ZNF180: variants seen among roughly 807,000 people sequenced by gnomAD.
The protein encoded by ZNF180 is zinc finger protein 180, also known as zinc finger protein 180 (HHZ168).
Under a neutral mutation model 11.8 loss-of-function variants are expected in ZNF180, and 11 were observed. The observed-to-expected ratio is 0.93, with a 90% CI of 0.59 to 1.55. The LOEUF (loss-of-function observed/expected upper bound fraction) is 1.55. ZNF180 is among the 40% of genes most tolerant of loss of function. The pLI is 0.00. For missense variants in ZNF180, 773 were observed against 781.7 expected (o/e 0.99, Z 0.13); for synonymous variants, 287 against 257.7 (o/e 1.11, Z -1.09).
intron 1 of ZNF180, chr19:44,500,065 C>A: frequency 7.3e-7 from 1 of 1,366,894 alleles, no homozygotes. Context: ...AGAGCACCAC[C>A]TGACCAAGCA....
At chr19:44,488,127 CT>C (rs1970285008) in intron 2 of ZNF180, among the ~76,000 whole-genome samples, 7 of 47,638 alleles carry the variant, frequency 1.5e-4, no homozygotes, top group Admixed American at 2.8e-4. Context: ...TCTCCCTCTC[CT>C]TCTCTTTCCA....
At chr19:44,499,002 A>G (rs1342604569) in intron 1 of ZNF180, among the ~76,000 whole-genome samples, 2 of 152,068 alleles carry the variant, frequency 1.3e-5, no homozygotes, top group African/African-American at 4.8e-5. Flanking sequence ...TGAGTCAACA[A>G]TCTACATCCC....
At chr19:44,481,836 C>A (rs1438174414) in intron 3 of ZNF180, among the ~76,000 whole-genome samples, 1 of 152,226 alleles carries the variant, frequency 6.6e-6, no homozygotes. Context: ...CATCCCCCCT[C>A]ACCTGAATCT....
At chr19:44,490,298 T>C (rs1322106767) in intron 2 of ZNF180, among the ~76,000 whole-genome samples, 2 of 152,194 alleles carry the variant, frequency 1.3e-5, no homozygotes, top group Non-Finnish European at 2.9e-5. Context: ...ATTACAGGCG[T>C]GAGTCACCAC....
chr19:44,484,170 G>T (rs1157464544), intron 3 of ZNF180, among the ~76,000 whole-genome samples, 191 bp downstream of exon 3: 1 of 151,784 alleles, frequency 6.6e-6, no homozygotes, highest in African/African-American at 2.4e-5. Flanking sequence ...AACTTTTTTT[G>T]TATTTTTTTA....
At chr19:44,490,516 G>A (rs1163451490) in intron 2 of ZNF180, among the ~76,000 whole-genome samples, 2 of 152,142 alleles carry the variant, frequency 1.3e-5, no homozygotes, top group South Asian at 2.1e-4. Context: ...ATATACACCC[G>A]TGACAAATAC....
In ZNF180 at chr19:44,476,516, A is replaced by G. The variant is rs1969876829; in HGVS notation, c.1884T>C (p.His628=). 1.2e-6 allele frequency: 2 copies of G among 1,614,088 alleles called. No individual in the cohort carries two copies. The highest frequency in any genetic ancestry group is 8.5e-7 in the Non-Finnish European group (1 of 1,179,996). ...SARLIVHQRT[H]TGEKPFTCIQ... Reference sequence around the variant, plus strand: ...TACATGTAAAGGGTTTCTCTCCAGTATGAGTTCTTTGATGCACAATAAGTC... The same window carrying G: ...TACATGTAAAGGGTTTCTCTCCAGTGTGAGTTCTTTGATGCACAATAAGTC... The change falls in exon 5 of 5, where the codon CAT becomes CAC. Residue 628 remains histidine (H), a synonymous_variant. Coordinates refer to ENST00000592529, the MANE Select transcript of ZNF180 (RefSeq NM_001278509.3).
At chr19:44,489,643 T>C (rs1470108577) in intron 2 of ZNF180, among the ~76,000 whole-genome samples, 3 of 126,050 alleles carry the variant, frequency 2.4e-5, no homozygotes, top group African/African-American at 8.4e-5. Context: ...CCAGAGACCT[T>C]TGTTCACTTG....
intron 3 of ZNF180, among the ~76,000 whole-genome samples, chr19:44,479,677 A>C (rs1429526265): frequency 6.6e-6 from 1 of 152,186 alleles, no homozygotes; most frequent in African/African-American, 2.4e-5. Flanking sequence ...CTGCCTTAAA[A>C]AGGATGCTTA....
chr19:44,478,047 T>C lies in ZNF180; in HGVS notation c.353A>G (p.Asp118Gly), dbSNP rs1445261307. ...NGVKIERFTR[D>G]DPWLSSCEEV... The stretch of plus-strand genomic sequence containing the variant: ...TTCACATGAAGATAACCAAGGATCA[T>C]CCCTTGTAAACCTTTCTATCTTCAC... Residue 118 changes from aspartate to glycine, a missense_variant, in exon 5 of 5, where the codon GAT (aspartate) becomes GGT (glycine). Asp to Gly is a moderately conservative substitution (Grantham distance 94). Transcript: ENST00000592529. 110 of 1,613,922 alleles carry C rather than the reference T, an allele frequency of 6.8e-5. No individual in the cohort carries two copies. Among genetic ancestry groups the C allele is most frequent in the Non-Finnish European group, 9.1e-5 (107 of 1,179,956 alleles).
At chr19:44,487,939 A>G (rs899841635) in intron 2 of ZNF180, among the ~76,000 whole-genome samples, 4 of 152,036 alleles carry the variant, frequency 2.6e-5, no homozygotes, top group African/African-American at 9.7e-5. Flanking sequence ...GTTGGCCAGG[A>G]TGGTCTTGAC....
rs1019591700 is a variant in ZNF180 at position 44,476,992 on chromosome 19, G to A, written c.1408C>T (p.Gln470Ter). ...HTGEKPYECN[Q>*]CGKSFSQSYK... ...CTTTGACTAAAGGATTTCCCACACT[G>A]ATTGCATTCATAGGGTTTTTCCCCA... Residue 470 changes from glutamine to a stop codon, truncating the protein, a stop_gained, in exon 5 of 5, where the codon CAG (glutamine) becomes TAG (stop). Transcript: ENST00000592529. LOFTEE classifies it low-confidence loss of function (END_TRUNC). 3 of 1,614,142 alleles carry A rather than the reference G, an allele frequency of 1.9e-6. No homozygotes were observed. In the South Asian group the frequency reaches 3.3e-5, roughly 18 times the overall value.
chr19:44,489,207 T>C, intron 2 of ZNF180, among the ~76,000 whole-genome samples: 1 of 49,132 alleles, frequency 2.0e-5, no homozygotes, highest in Non-Finnish European at 5.2e-5. Context: ...GAGGGGCGCC[T>C]CTGCCCGGCC....
intron 3 of ZNF180, among the ~76,000 whole-genome samples, chr19:44,483,033 A>G (rs1389211753): frequency 6.6e-6 from 1 of 152,150 alleles, no homozygotes; most frequent in Non-Finnish European, 1.5e-5. Context: ...GTCATAAAAC[A>G]CTCCACCTTT....
In ZNF180 at chr19:44,477,895, C is replaced by A; in HGVS notation, c.505G>T (p.Gly169Trp). Reference sequence around the variant, plus strand: ...CTGGAATTCAGACCACTCTTCTCCCCAGTTTCATCACTTTTGCAGACTCTC... The same window carrying A: ...CTGGAATTCAGACCACTCTTCTCCCAAGTTTCATCACTTTTGCAGACTCTC... ...HERVCKSDET[G>W]EKSGLNSSLF... is the part of the protein sequence containing the mutation. The change falls in exon 5 of 5, where the codon GGG (glycine) becomes TGG (tryptophan). Residue 169 changes from glycine to tryptophan, a missense_variant. Gly to Trp is a radical substitution (Grantham distance 184). Transcript: ENST00000592529. The A allele has an allele frequency of 4.3e-6, 7 of 1,613,930 alleles. No individual in the cohort carries two copies. Among genetic ancestry groups the A allele is most frequent in the African/African-American group, 2.7e-5 (2 of 75,050 alleles).
chr19:44,493,372 T>C (rs1235046977), intron 2 of ZNF180, among the ~76,000 whole-genome samples: 2 of 152,230 alleles, frequency 1.3e-5, no homozygotes, highest in African/African-American at 4.8e-5. Context: ...AATACCCAGA[T>C]GGTTTCTTCC....
In ZNF180 at chr19:44,475,711, G is replaced by A. The variant is rs1232313021; in HGVS notation, c.*691C>T. ...TAACAGCGTACATTCCAAAAAGGAA[G>A]GCCCAACATAAACTGAGAAATTGAA... is the stretch of plus-strand genomic sequence containing the variant. On this transcript the variant is annotated 3_prime_UTR_variant, in exon 5 of 5. Coordinates refer to ENST00000592529, the MANE Select transcript of ZNF180 (RefSeq NM_001278509.3). The A allele has an allele frequency of 6.6e-6, 1 of 152,108 alleles. No homozygotes were observed. The highest frequency in any genetic ancestry group is 1.5e-5 in the Non-Finnish European group (1 of 68,026). The allele number at this position is 152,108 out of a possible 1,614,324, so 9.4% of individuals were successfully genotyped here.
chr19:44,486,914 T>C (rs1273864966), intron 2 of ZNF180, among the ~76,000 whole-genome samples: 1 of 152,114 alleles, frequency 6.6e-6, no homozygotes, highest in Non-Finnish European at 1.5e-5. Flanking sequence ...CTAGGTGTGG[T>C]ATACCTGTAG....
intron 2 of ZNF180, among the ~76,000 whole-genome samples, chr19:44,485,843 T>G (rs978916805): frequency 1.3e-5 from 2 of 152,258 alleles, no homozygotes; most frequent in African/African-American, 4.8e-5. Flanking sequence ...TATTAATTCA[T>G]GTACAGAGTT....
Sources: gnomAD v4.1 joint callset for allele counts (sites outside exome capture counted in the v4.1 genomes callset) on GRCh38, gnomAD v4.1.1 for gene constraint, MANE v1.5 for transcripts, NCBI Gene and HGNC (gene_info 2026-07-23, HGNC 2026-07-21) for gene names.